DNAAF11: variants seen among roughly 807,000 people sequenced by gnomAD.
DNAAF11 encodes the protein leucine rich repeat containing 6.
In DNAAF11, 45 loss-of-function variants were observed where a neutral mutation model predicts 60.8. The observed-to-expected ratio is 0.74, with a 90% CI of 0.58 to 0.95. The LOEUF is 0.95. DNAAF11 is among the 40% of genes least tolerant of loss of function. DNAAF11 has a pLI of 0.00. For missense variants in DNAAF11, 546 were observed against 546.2 expected (o/e 1.00, Z 0.00); for synonymous variants, 191 against 183.5 (o/e 1.04, Z -0.33).
At position 132,576,492 on chromosome 8, in the gene DNAAF11, G is replaced by A. The variant is rs79035297; in HGVS notation, c.1227-4012C>T. ...TATATGATATGTGCCCAAGTGAGAC[G>A]ATTTGACTGACCAAATTGACCCAGT... On this transcript the variant is annotated intron_variant, in intron 11 of 11. Transcript: ENST00000620350. Among the ~76,000 whole-genome samples the A allele has an allele frequency of 2.0e-3, 307 of 152,304 alleles. 10 individuals are homozygous for A. In the East Asian group the frequency reaches 0.051, roughly 25 times the overall value.
chr8:132,643,467 T>G (rs1415917415), intron 3 of DNAAF11: 1 of 350,988 alleles, frequency 2.8e-6, no homozygotes, highest in Non-Finnish European at 5.7e-6. Context: ...AGAGATTAGA[T>G]GTGGGAGAGT....
intron 7 of DNAAF11, among the ~76,000 whole-genome samples, chr8:132,619,415 T>A (rs529858831): frequency 6.6e-6 from 1 of 152,010 alleles, no homozygotes; most frequent in Admixed American, 6.5e-5. Flanking sequence ...GACCTGCACA[T>A]TGTGCACATG....
the DNAAF11 span, among the ~76,000 whole-genome samples, chr8:132,681,003 CTTTTTTTTT>C: frequency 9.6e-5 from 5 of 52,334 alleles, no homozygotes; most frequent in South Asian, 9.4e-4. Context: ...ATAACTATTC[CTTTTTTTTT>C]TTTTTTTTTT....
At chr8:132,607,231 T>G (rs1393493991) in intron 10 of DNAAF11, among the ~76,000 whole-genome samples, 1 of 152,212 alleles carries the variant, frequency 6.6e-6, no homozygotes. Flanking sequence ...CTACTTCACT[T>G]GCCACTTCTA....
At chr8:132,629,880 A>G (rs755014086) in intron 5 of DNAAF11, among the ~76,000 whole-genome samples, 1 of 152,242 alleles carries the variant, frequency 6.6e-6, no homozygotes, top group Non-Finnish European at 1.5e-5. Context: ...AGCAAAACCA[A>G]TTACATCTAT....
intron 3 of DNAAF11, among the ~76,000 whole-genome samples, chr8:132,649,188 C>G (rs1298899132): frequency 2.0e-5 from 3 of 152,010 alleles, no homozygotes; most frequent in Admixed American, 6.6e-5. Context: ...CAATGGAACA[C>G]AACAGAGCCC....
upstream of DNAAF11, among the ~76,000 whole-genome samples, chr8:132,678,210 C>T (rs146104841): frequency 6.8e-4 from 103 of 152,294 alleles, 1 homozygote; most frequent in African/African-American, 2.3e-3. Context: ...TCCCCCATCC[C>T]CTTAAGCTAA....
At chr8:132,642,064 CA>C (rs1821908962) in intron 3 of DNAAF11, among the ~76,000 whole-genome samples, 1 of 152,058 alleles carries the variant, frequency 6.6e-6, no homozygotes, top group Non-Finnish European at 1.5e-5. Flanking sequence ...CAAAATTTTG[CA>C]ACATGGTTAG....
intron 11 of DNAAF11, among the ~76,000 whole-genome samples, chr8:132,582,225 C>T (rs1395249405): frequency 1.3e-5 from 2 of 152,142 alleles, no homozygotes; most frequent in African/African-American, 2.4e-5. Flanking sequence ...TTAAGGAGCA[C>T]CATAAACTAC....
intron 10 of DNAAF11, among the ~76,000 whole-genome samples, chr8:132,602,627 A>C (rs2129760939): frequency 6.6e-6 from 1 of 152,134 alleles, no homozygotes; most frequent in East Asian, 1.9e-4. Context: ...GCCCTCAAGG[A>C]AGAAGAGCAA....
At chr8:132,692,405 G>A in the DNAAF11 span, among the ~76,000 whole-genome samples, 3 of 152,218 alleles carry the variant, frequency 2.0e-5, no homozygotes, top group African/African-American at 7.2e-5. Context: ...CAATAAAAGA[G>A]GAGGTTGGAT....
At chr8:132,594,173 C>T (rs1351785603) in intron 10 of DNAAF11, among the ~76,000 whole-genome samples, 6 of 152,076 alleles carry the variant, frequency 3.9e-5, no homozygotes, top group African/African-American at 1.4e-4. Flanking sequence ...GGGTTTCATT[C>T]TTCAACTAAT....
At chr8:132,676,476 A>G (rs1158811731), upstream of DNAAF11, among the ~76,000 whole-genome samples, 1 of 152,216 alleles carries the variant, frequency 6.6e-6, no homozygotes, top group Admixed American at 6.5e-5. Flanking sequence ...ACCTTCTCCC[A>G]TCCCAGTCGT....
At chr8:132,605,180 G>A (rs1042772989) in intron 10 of DNAAF11, among the ~76,000 whole-genome samples, 4 of 152,092 alleles carry the variant, frequency 2.6e-5, no homozygotes, top group Non-Finnish European at 4.4e-5. Context: ...TTTTATGAAT[G>A]AGGAATCTGA....
At chr8:132,598,232 G>T (rs13269265) in intron 10 of DNAAF11, among the ~76,000 whole-genome samples, 8,945 of 152,222 alleles carry the variant, frequency 0.059, 366 homozygotes, top group South Asian at 0.083. Flanking sequence ...AAGGATAAAA[G>T]CAAGAGCCTA....
chr8:132,696,951 A>G, the DNAAF11 span, among the ~76,000 whole-genome samples: 1 of 152,180 alleles, frequency 6.6e-6, no homozygotes, highest in Non-Finnish European at 1.5e-5. Flanking sequence ...TAGGCTTAGT[A>G]CCTGGACACA....
In DNAAF11 at chr8:132,593,984, T is replaced by C. The variant is rs1235300082; in HGVS notation, c.1141-10205A>G. On this transcript the variant is annotated intron_variant, in intron 10 of 11. Transcript: ENST00000620350. ...AGTATCTTTAAAGCTAAAGATTTCA[T>C]AAATAGGAAAAAGGAAGTAATCACC... 4.6e-5 allele frequency among the ~76,000 whole-genome samples: 7 copies of C among 152,026 alleles called. No homozygotes were observed. The South Asian group carries it at 6.2e-4, about 14-fold the overall frequency.
At chr8:132,621,670 G>T (rs923409414) in intron 7 of DNAAF11, among the ~76,000 whole-genome samples, 5 of 152,070 alleles carry the variant, frequency 3.3e-5, no homozygotes, top group Non-Finnish European at 7.4e-5. Context: ...CTATCCCCAG[G>T]GCCTAGCCTA....
At chr8:132,597,192 T>C (rs562144121) in intron 10 of DNAAF11, among the ~76,000 whole-genome samples, 183 of 152,278 alleles carry the variant, frequency 1.2e-3, no homozygotes, top group African/African-American at 4.2e-3. Flanking sequence ...AAAATAACCA[T>C]ATACAGATTC....
Sources: allele counts gnomAD v4.1 joint callset (sites outside exome capture counted in the v4.1 genomes callset), GRCh38; gene constraint gnomAD v4.1.1; transcripts MANE v1.5; gene names NCBI Gene and HGNC (gene_info 2026-07-23, HGNC 2026-07-21).